UNC13C: variants seen among roughly 807,000 people sequenced by gnomAD.
The protein encoded by UNC13C is unc-13 homolog C.
Under a neutral mutation model 245.4 loss-of-function variants are expected in UNC13C, and 174 were observed. That is an observed-to-expected ratio of 0.71 (90% CI 0.63 to 0.80). The LOEUF is 0.80. Ranked by LOEUF, UNC13C falls within the 30% of genes least tolerant of loss-of-function variation. The pLI, the probability that UNC13C is intolerant of heterozygous loss-of-function variation, is 0.00. For synonymous variants in UNC13C, 992 were observed against 895.1 expected (o/e 1.11, Z -1.93); for missense variants, 2,829 against 2,602.9 (o/e 1.09, Z -1.89).
chr15:54,339,014 G>T (rs1032846965), intron 17 of UNC13C, among the ~76,000 whole-genome samples: 2 of 152,124 alleles, frequency 1.3e-5, no homozygotes, highest in African/African-American at 4.8e-5. Flanking sequence ...TTACAGGCAT[G>T]AGCCAGCATT....
At chr15:54,161,069 T>G (rs1189452938) in intron 4 of UNC13C, among the ~76,000 whole-genome samples, 1 of 152,166 alleles carries the variant, frequency 6.6e-6, no homozygotes, top group Non-Finnish European at 1.5e-5. Flanking sequence ...AGTGGATTGT[T>G]GTAAAAGAAA....
At chr15:54,454,824 T>A (rs550956846) in intron 19 of UNC13C, among the ~76,000 whole-genome samples, 15 of 151,980 alleles carry the variant, frequency 9.9e-5, no homozygotes, top group African/African-American at 3.1e-4. Flanking sequence ...ATTCATTCAT[T>A]CATTCATTCA....
At chr15:53,984,601 A>G (rs1894054832) in intron 1 of UNC13C, among the ~76,000 whole-genome samples, 1 of 152,124 alleles carries the variant, frequency 6.6e-6, no homozygotes, top group South Asian at 2.1e-4. Flanking sequence ...TAAGTTAAAT[A>G]ATATAAAGGA....
rs117502389 is a variant in UNC13C, at chr15:54,509,913, C to G, written c.5380-1840C>G. Among the ~76,000 whole-genome samples, 497 of 152,216 alleles carry G rather than the reference C, an allele frequency of 3.3e-3. 1 individual carries two copies. Among genetic ancestry groups the G allele is most frequent in the Non-Finnish European group, 5.2e-3 (351 of 67,996 alleles). Reference sequence around the variant, plus strand: ...TTTGTTTCCCTCCGGATAACTGCATCTCCTCTTTTTTCTCTGTAGTCTAAC... The same window carrying G: ...TTTGTTTCCCTCCGGATAACTGCATGTCCTCTTTTTTCTCTGTAGTCTAAC... On this transcript the variant is annotated intron_variant, in intron 23 of 32. Coordinates refer to ENST00000260323, the MANE Select transcript of UNC13C (RefSeq NM_001080534.3).
intron 2 of UNC13C, among the ~76,000 whole-genome samples, chr15:54,103,036 C>T (rs1900245225): frequency 6.6e-6 from 1 of 152,202 alleles, no homozygotes; most frequent in South Asian, 2.1e-4. Flanking sequence ...ATTTTGTCCT[C>T]TGTGACTGAA....
chr15:54,167,683 A>T (rs889638872), intron 4 of UNC13C, among the ~76,000 whole-genome samples: 1 of 151,364 alleles, frequency 6.6e-6, no homozygotes, highest in African/African-American at 2.4e-5. Flanking sequence ...TTCAAAATCT[A>T]TCATATTTTT....
intron 10 of UNC13C, among the ~76,000 whole-genome samples, chr15:54,292,362 T>C (rs549092601): frequency 1.0e-3 from 159 of 152,042 alleles, no homozygotes; most frequent in African/African-American, 3.7e-3. Context: ...CTCTAGCCTA[T>C]TCCACTGAAT....
downstream of UNC13C, chr15:54,630,531 A>T (rs1901437236): frequency 6.6e-6 from 1 of 152,224 alleles, no homozygotes; most frequent in Non-Finnish European, 1.5e-5. Flanking sequence ...TCATACTTAT[A>T]CATGACTCAG....
intron 2 of UNC13C, among the ~76,000 whole-genome samples, chr15:54,076,242 A>G (rs1027864520): frequency 9.2e-5 from 13 of 141,744 alleles, no homozygotes; most frequent in African/African-American, 2.8e-4. Context: ...ATATCGCCCA[A>G]TGCTATCCCT....
At chr15:54,294,209 A>G (rs553503087) in intron 11 of UNC13C, 145 bp downstream of exon 11, 15 of 713,676 alleles carry the variant, frequency 2.1e-5, no homozygotes, top group Middle Eastern at 8.7e-4. Flanking sequence ...TTTCATTGAC[A>G]AGAAAAGGCT....
At chr15:54,429,255 G>A (rs1045795835) in intron 19 of UNC13C, among the ~76,000 whole-genome samples, 1 of 151,770 alleles carries the variant, frequency 6.6e-6, no homozygotes, top group African/African-American at 2.4e-5. Flanking sequence ...TCAATAAAAA[G>A]TAATTTATAA....
chr15:53,932,782 T>C, the UNC13C span, among the ~76,000 whole-genome samples: 1 of 152,220 alleles, frequency 6.6e-6, no homozygotes, highest in Admixed American at 6.5e-5. Context: ...TCTAAGCCCT[T>C]AAGTCCCATG....
At chr15:54,392,998 G>C (rs776783071) in intron 17 of UNC13C, 50 bp from the exon 18 acceptor site, 1 of 1,468,380 alleles carries the variant, frequency 6.8e-7, no homozygotes, top group East Asian at 2.5e-5. Context: ...TCTAACTAAA[G>C]TCATCCCATT....
rs972262388 is a variant in UNC13C at position 54,496,165 on chromosome 15, G to A, written c.5060+1431G>A. Among the ~76,000 whole-genome samples the A allele has an allele frequency of 4.6e-5, 7 of 152,020 alleles. 1 individual carries two copies. The highest frequency in any genetic ancestry group is 1.3e-4 in the Admixed American group (2 of 15,234). ...ATATATACATATTTCAAAACAACAT[G>A]TTATACTTGGTAAATACATACAACT... is the stretch of plus-strand genomic sequence containing the variant. On this transcript the variant is annotated intron_variant, in intron 20 of 32. Coordinates refer to ENST00000260323, the MANE Select transcript of UNC13C (RefSeq NM_001080534.3).
chr15:53,876,962 C>T, the UNC13C span, among the ~76,000 whole-genome samples: 3 of 152,200 alleles, frequency 2.0e-5, no homozygotes, highest in African/African-American at 7.2e-5. Flanking sequence ...CACGGCATTT[C>T]TGTATGTCTG....
chr15:53,929,431 T>C, the UNC13C span, among the ~76,000 whole-genome samples: 2 of 152,184 alleles, frequency 1.3e-5, no homozygotes, highest in Non-Finnish European at 2.9e-5. Flanking sequence ...AGAGACTTTT[T>C]TGGTGAGTGT....
chr15:54,230,033 G>T (rs1399908753), intron 4 of UNC13C, among the ~76,000 whole-genome samples: 2 of 137,736 alleles, frequency 1.5e-5, no homozygotes, highest in African/African-American at 5.4e-5. Context: ...TAGACACTTA[G>T]GTTGATTTCA....
At chr15:54,385,771 G>A (rs1458553591) in intron 17 of UNC13C, among the ~76,000 whole-genome samples, 1 of 151,736 alleles carries the variant, frequency 6.6e-6, no homozygotes, top group Non-Finnish European at 1.5e-5. Flanking sequence ...CAAATATGCT[G>A]GCTTAATCAT....
the UNC13C span, among the ~76,000 whole-genome samples, chr15:53,945,602 T>C: frequency 6.6e-6 from 1 of 152,182 alleles, no homozygotes; most frequent in Non-Finnish European, 1.5e-5. Context: ...AGTTGGTCTT[T>C]GTGTCTGTTT....
Sources: gnomAD v4.1 joint callset for allele counts (sites outside exome capture counted in the v4.1 genomes callset) on GRCh38, gnomAD v4.1.1 for gene constraint, MANE v1.5 for transcripts, NCBI Gene and HGNC (gene_info 2026-07-23, HGNC 2026-07-21) for gene names.